Variants in NFATC1 observed in about 807,000 individuals in gnomAD.
NFATC1 encodes the protein nuclear factor of activated T cells 1.
In NFATC1, 22 loss-of-function variants were observed where a neutral mutation model predicts 76.0. The observed-to-expected ratio is 0.29, with a 90% CI of 0.21 to 0.41. The LOEUF is 0.41. Among genes scored for constraint, NFATC1 ranks in the 10% least tolerant of loss-of-function variants. The pLI is 1.00. For missense variants in NFATC1, 1,357 were observed against 1,337.7 expected, an observed-to-expected ratio of 1.01 and a Z score of -0.23; for synonymous variants, 704 against 613.1, an observed-to-expected ratio of 1.15 and a Z score of -2.19.
chr18:79,453,827 A>T (rs979465416), intron 6 of NFATC1, among the ~76,000 whole-genome samples: 8 of 152,208 alleles, frequency 5.3e-5, no homozygotes, highest in Non-Finnish European at 1.2e-4. Context: ...TACACACACA[A>T]GCACATTCCA....
chr18:79,450,969 A>C lies in NFATC1; in HGVS notation c.1605A>C (p.Gly535=), dbSNP rs2087446727. ...NSMRAVIDCA[G]ILKLRNSDIE... ...TTTTGGGCAGCATTGACTGTGCCGG[A>C]ATCCTGAAACTCAGAAACTCCGACA... The change falls in exon 5 of 10, where the codon GGA becomes GGC. Residue 535 remains glycine (G), a synonymous_variant. Coordinates refer to ENST00000427363, the MANE Select transcript of NFATC1 (RefSeq NM_001278669.2). The C allele has an allele frequency of 1.2e-6, 2 of 1,613,552 alleles. No individual in the cohort carries two copies. The highest frequency in any genetic ancestry group is 1.7e-6 in the Non-Finnish European group (2 of 1,179,896).
rs200714514 is a variant in NFATC1, at chr18:79,467,602, C to T, written c.2092+20C>T. 6.3e-5 allele frequency: 101 copies of T among 1,613,484 alleles called. No individual in the cohort carries two copies. The Middle Eastern group carries it at 1.2e-3, about 18-fold the overall frequency. ...CCAACGGTAACGCCATCTTTCTAACCGTAAGCCGTGAACATGAGCGCGTGG... is the reference window on the plus strand; with the variant it reads ...CCAACGGTAACGCCATCTTTCTAACTGTAAGCCGTGAACATGAGCGCGTGG... On this transcript the variant is annotated intron_variant, in intron 8 of 9. Transcript: ENST00000427363.
At chr18:79,445,065 C>T (rs139135029) in intron 3 of NFATC1, among the ~76,000 whole-genome samples, 5 of 152,360 alleles carry the variant, frequency 3.3e-5, no homozygotes, top group East Asian at 3.9e-4. Flanking sequence ...GTCCTCCACC[C>T]GTTTCGGGTT....
intron 9 of NFATC1, among the ~76,000 whole-genome samples, chr18:79,499,789 AAGAT>A (rs1329677552): frequency 1.6e-4 from 25 of 152,216 alleles, no homozygotes; most frequent in Non-Finnish European, 3.2e-4. Flanking sequence ...AAGGATGAAA[AAGAT>A]AGGCAGAGTT....
intron 6 of NFATC1, among the ~76,000 whole-genome samples, chr18:79,458,170 G>C (rs890404612): frequency 1.3e-5 from 2 of 152,216 alleles, no homozygotes; most frequent in African/African-American, 2.4e-5. Flanking sequence ...CTGGGTGGCT[G>C]TTTCCCCTCC....
At chr18:79,415,374 C>T (rs1172658221) in intron 2 of NFATC1, among the ~76,000 whole-genome samples, 1 of 152,182 alleles carries the variant, frequency 6.6e-6, no homozygotes, top group Non-Finnish European at 1.5e-5. Context: ...GCTTTGCCTC[C>T]TGGGTTCACG....
intron 9 of NFATC1, among the ~76,000 whole-genome samples, chr18:79,510,518 G>C (rs1490251908): frequency 2.0e-5 from 3 of 152,206 alleles, no homozygotes; most frequent in African/African-American, 7.2e-5. Context: ...GTTTGGATTT[G>C]AGGGGCTTAG....
chr18:79,401,671 C>G (rs643705), intron 1 of NFATC1, among the ~76,000 whole-genome samples: 130,836 of 152,278 alleles, frequency 0.86, 56,430 homozygotes, highest in East Asian at 1. Context: ...GCCCCACTCC[C>G]GACCTCTCTT....
At chr18:79,448,366 G>A (rs564261550) in intron 3 of NFATC1, 10 of 225,920 alleles carry the variant, frequency 4.4e-5, no homozygotes, top group Admixed American at 2.1e-4. Flanking sequence ...TGGGAGCTGC[G>A]CGCTGCCCGG....
chr18:79,522,385 G>T (rs2090632644), intron 9 of NFATC1, among the ~76,000 whole-genome samples: 1 of 93,106 alleles, frequency 1.1e-5, no homozygotes, highest in African/African-American at 4.2e-5. Context: ...TGTGGGGGGG[G>T]GTGCGTCCAC....
rs570095535 is a variant in NFATC1, at chr18:79,527,367, G to A, written c.2783-161G>A. The A allele has an allele frequency of 1.3e-4, 78 of 613,300 alleles. 1 individual carries two copies. The highest frequency in any genetic ancestry group is 7.8e-4 in the South Asian group (37 of 47,286). 38.0% of individuals were successfully genotyped at this position (613,300 alleles called of 1,614,324 possible). A position where few individuals can be genotyped will look rare whatever the true frequency, so the allele number is the denominator to read the frequency against. On this transcript the variant is annotated intron_variant, in intron 9 of 9. Transcript: ENST00000427363. ...CCGAGGCAGCCAGGCACTGGCTCACGACACTCATGGACCAGGGTGGGACCG... is the reference window on the plus strand; with the variant it reads ...CCGAGGCAGCCAGGCACTGGCTCACAACACTCATGGACCAGGGTGGGACCG...
rs866278289 is a variant in NFATC1, at chr18:79,396,271, C to T, written c.47C>T (p.Pro16Leu). ...GTCCCTTCCAAGTTTCCACTTGGCCCTGCGGCTGCGGTCTTCGGGAGAGGA... is the reference window on the plus strand; with the variant it reads ...GTCCCTTCCAAGTTTCCACTTGGCCTTGCGGCTGCGGTCTTCGGGAGAGGA... ...FPVPSKFPLG[P>L]AAAVFGRGET... Residue 16 changes from proline (P) to leucine (L), a missense_variant, in exon 1 of 10, where the codon CCT becomes CTT. Transcript: ENST00000427363. 6.8e-7 allele frequency: 1 copy of T among 1,477,702 alleles called. No individual in the cohort carries two copies. The highest frequency in any genetic ancestry group is 9.0e-7 in the Non-Finnish European group (1 of 1,105,428). The allele number at this position is 1,477,702 out of a possible 1,614,324, so 91.5% of individuals were successfully genotyped here.
chr18:79,471,506 C>A (rs879886823), intron 8 of NFATC1, among the ~76,000 whole-genome samples: 9 of 152,140 alleles, frequency 5.9e-5, no homozygotes, highest in Non-Finnish European at 4.4e-5. Flanking sequence ...TGTCTGAAGT[C>A]GTTTTAGTCG....
At chr18:79,489,869 G>A (rs905929637) in intron 9 of NFATC1, among the ~76,000 whole-genome samples, 10 of 152,232 alleles carry the variant, frequency 6.6e-5, no homozygotes, top group Admixed American at 6.5e-4. Flanking sequence ...ACAAGCTTTC[G>A]GGGTTAGCGT....
At chr18:79,493,376 A>AC (rs1569028781) in intron 9 of NFATC1, 1 of 152,138 alleles carries the variant, frequency 6.6e-6, no homozygotes, top group African/African-American at 2.4e-5. Context: ...TGAAGTGGGC[A>AC]CCCCTCCTCC....
intron 1 of NFATC1, among the ~76,000 whole-genome samples, chr18:79,407,021 G>A (rs2085466174): frequency 6.6e-6 from 1 of 152,236 alleles, no homozygotes; most frequent in South Asian, 2.1e-4. Context: ...GGGCCACGGA[G>A]GGGCCACCGT....
intron 6 of NFATC1, among the ~76,000 whole-genome samples, chr18:79,453,716 T>C (rs2087570188): frequency 6.6e-6 from 1 of 152,258 alleles, no homozygotes; most frequent in African/African-American, 2.4e-5. Context: ...GAATAGGTGC[T>C]GTGCTCGAGA....
intron 9 of NFATC1, among the ~76,000 whole-genome samples, chr18:79,503,031 A>G (rs956174629): frequency 6.6e-6 from 1 of 152,252 alleles, no homozygotes; most frequent in Admixed American, 6.5e-5. Flanking sequence ...ACTGTCCTTC[A>G]CAGCGTTCTT....
rs1404062469 is a variant in NFATC1, at chr18:79,475,012, GTAAACC to G, written c.2092+7432_2092+7437del. 8.7e-4 allele frequency among the ~76,000 whole-genome samples: 120 copies of G among 138,724 alleles called. 6 individuals are homozygous for G. The highest frequency in any genetic ancestry group is 9.6e-3 in the Middle Eastern group (2 of 208). 91.0% of individuals were successfully genotyped at this position (138,724 alleles called of 152,430 possible). ...GCGTGTTCTCACGCTCGCTGTCGAC[GTAAACC>G]TGAGGGAAGCGTGTTCTCACGCTCA... On this transcript the variant is annotated intron_variant, in intron 8 of 9. Coordinates refer to ENST00000427363, the MANE Select transcript of NFATC1 (RefSeq NM_001278669.2).
Sources: allele counts gnomAD v4.1 joint callset (sites outside exome capture counted in the v4.1 genomes callset), GRCh38; gene constraint gnomAD v4.1.1; transcripts MANE v1.5; gene names NCBI Gene and HGNC (gene_info 2026-07-23, HGNC 2026-07-21).